TMEM187: variants seen among roughly 807,000 people sequenced by gnomAD.
The protein encoded by TMEM187 is chromosome X open reading frame 12.
A neutral mutation model predicts 11.8 loss-of-function variants in TMEM187; 14 were observed. The observed-to-expected ratio is 1.18, with a 90% CI of 0.78 to 1.85. The LOEUF is 1.85. Among genes scored for constraint, TMEM187 ranks in the 40% most tolerant of loss-of-function variants. The pLI, the probability that TMEM187 is intolerant of heterozygous loss-of-function variation, is 0.00. For synonymous variants in TMEM187, 112 were observed against 118.5 expected (o/e 0.95, Z 0.36); for missense variants, 227 against 243.9 (o/e 0.93, Z 0.46).
Position 153,982,357 on chromosome X carries a change from G to A in TMEM187, c.295G>A (p.Val99Met). The A allele has an allele frequency of 4.1e-6, 5 of 1,205,860 alleles. No homozygotes were observed. The highest frequency in any genetic ancestry group is 1.8e-5 in the South Asian group (1 of 56,574). The change falls in exon 2 of 2, where the codon GTG (valine) becomes ATG (methionine). Residue 99 changes from valine to methionine, a missense_variant. Coordinates refer to ENST00000369982, the MANE Select transcript of TMEM187 (RefSeq NM_003492.3). ...FAAMALLYGPVQWLRLWTQWR... is the reference protein window; with the variant it reads ...FAAMALLYGPMQWLRLWTQWR... The stretch of plus-strand genomic sequence containing the variant: ...AGCCATGGCCCTGCTCTATGGCCCC[G>A]TGCAGTGGCTGCGCCTGTGGACGCA...
chrX:153,974,768 T>A (rs184956154), intron 1 of TMEM187, among the ~76,000 whole-genome samples: 221 of 112,100 alleles, frequency 2.0e-3, no homozygotes, highest in African/African-American at 6.7e-3. Flanking sequence ...TAGTGAGGAC[T>A]GTGGTTCCTG....
At chrX:153,974,332 G>A (rs1243304222) in intron 1 of TMEM187, among the ~76,000 whole-genome samples, 1 of 112,440 alleles carries the variant, frequency 8.9e-6, no homozygotes, top group East Asian at 2.8e-4. Context: ...CTAGGTGGGT[G>A]CAGGGAAGGA....
intron 1 of TMEM187, chrX:153,980,544 A>C (rs1204410121): frequency 9.0e-6 from 1 of 111,464 alleles, no homozygotes; most frequent in Non-Finnish European, 1.9e-5. Context: ...CAGTTTCTTT[A>C]TCTGTGAAAT....
rs143564812 is a variant in TMEM187 at position 153,976,707 on chromosome X, T to G, written c.-214+3847T>G. ...CAAGACCCTGTCTTTCAAAAAAAAT[T>G]TAAAAATTTGCCAGGCATGGTAACA... is the stretch of plus-strand genomic sequence containing the variant. On this transcript the variant is annotated intron_variant, in intron 1 of 1. Coordinates refer to ENST00000369982, the MANE Select transcript of TMEM187 (RefSeq NM_003492.3). 3.0e-3 allele frequency among the ~76,000 whole-genome samples: 338 copies of G among 111,287 alleles called. 1 individual carries two copies. The highest frequency in any genetic ancestry group is 0.01 in the African/African-American group (318 of 30,610).
intron 1 of TMEM187, among the ~76,000 whole-genome samples, chrX:153,974,752 G>A (rs1428563650): frequency 8.9e-6 from 1 of 112,084 alleles, no homozygotes; most frequent in Non-Finnish European, 1.9e-5. Context: ...AGGACGTATG[G>A]AGTGATAGTG....
chrX:153,979,984 G>A (rs1414335053), intron 1 of TMEM187, among the ~76,000 whole-genome samples: 9 of 109,109 alleles, frequency 8.2e-5, no homozygotes, highest in East Asian at 2.9e-4. Context: ...TGATCCACCC[G>A]CCTTGGCCTC....
intron 1 of TMEM187, among the ~76,000 whole-genome samples, chrX:153,978,190 G>A (rs968287904): frequency 9.2e-6 from 1 of 109,146 alleles, no homozygotes; most frequent in African/African-American, 3.3e-5. Context: ...CAGCCTGGGC[G>A]ACAGAGCAAG....
In TMEM187 at chrX:153,979,829, A is replaced by C. The variant is rs1173999796; in HGVS notation, c.-213-2021A>C. ...TCAGCTCACTGCAAGCTCCGCCTCC[A>C]GGGTTCACGCCATTCTCCTGCCTCA... is the stretch of plus-strand genomic sequence containing the variant. On this transcript the variant is annotated intron_variant, in intron 1 of 1. Transcript: ENST00000369982. 9.1e-5 allele frequency among the ~76,000 whole-genome samples: 9 copies of C among 98,383 alleles called. 1 individual carries two copies. The highest frequency in any genetic ancestry group is 3.0e-4 in the African/African-American group (8 of 26,739). The allele number at this position is 98,383 out of a possible 115,157, so 85.4% of individuals were successfully genotyped here.
At position 153,982,607 on chromosome X, in the gene TMEM187, A is replaced by C. The variant is rs782358824; in HGVS notation, c.545A>C (p.His182Pro). 2 of 1,211,844 alleles carry C rather than the reference A, an allele frequency of 1.7e-6. No individual in the cohort carries two copies. The highest frequency in any genetic ancestry group is 1.7e-5 in the African/African-American group (1 of 58,018). Residue 182 changes from histidine to proline, a missense_variant, in exon 2 of 2, where the codon CAC becomes CCC. His to Pro is a moderately conservative substitution (Grantham distance 77, BLOSUM62 -2). Coordinates refer to ENST00000369982, the MANE Select transcript of TMEM187 (RefSeq NM_003492.3). ...VAAVGQALRT[H>P]RHYGSTTSAT... ...GCTGTGGGGCAGGCGCTGCGCACCC[A>C]CAGGCACTATGGCAGCACCACCTCG...
In TMEM187 at chrX:153,975,252, T is replaced by TGG. The variant is rs1359019856; in HGVS notation, c.-214+2392_-214+2393insGG. The stretch of plus-strand genomic sequence containing the variant: ...TTTGTTGCCTGTGATTTTGGGGTCT[T>TGG]AGCCATAAAATCTTTCCTGGAGCAT... On this transcript the variant is annotated intron_variant, in intron 1 of 1. Coordinates refer to ENST00000369982, the MANE Select transcript of TMEM187 (RefSeq NM_003492.3). Among the ~76,000 whole-genome samples, 3 of 112,272 alleles carry TGG rather than the reference T, an allele frequency of 2.7e-5. No homozygotes were observed. In the Admixed American group the frequency reaches 2.8e-4, roughly 11 times the overall value.
At chrX:153,977,422 C>A (rs782361816) in intron 1 of TMEM187, among the ~76,000 whole-genome samples, 15 of 110,102 alleles carry the variant, frequency 1.4e-4, no homozygotes, top group Admixed American at 2.9e-4. Context: ...CAATACCACC[C>A]CAGCCGATAT....
rs2065611548 is a variant in TMEM187 at position 153,982,862 on chromosome X, C to T, written c.*14C>T. On this transcript the variant is annotated 3_prime_UTR_variant, in exon 2 of 2. Coordinates refer to ENST00000369982, the MANE Select transcript of TMEM187 (RefSeq NM_003492.3). ...AAGACGCGTTGAACCCAGGGAAGAA[C>T]CTGCTGAAAACCGATGACCCCCAGC... 8.3e-7 allele frequency: 1 copy of T among 1,210,321 alleles called. No individual in the cohort carries two copies. Among genetic ancestry groups the T allele is most frequent in the South Asian group, 1.8e-5 (1 of 56,840 alleles).
At chrX:153,978,988 A>G (rs1557121931) in intron 1 of TMEM187, among the ~76,000 whole-genome samples, 1 of 111,023 alleles carries the variant, frequency 9.0e-6, no homozygotes, top group East Asian at 2.8e-4. Flanking sequence ...GGGTTTCACC[A>G]TGTTGGCCAG....
chrX:153,978,403 G>T (rs1466255719), intron 1 of TMEM187, among the ~76,000 whole-genome samples: 2 of 102,593 alleles, frequency 1.9e-5, no homozygotes, highest in African/African-American at 7.1e-5. Context: ...CAAGTAGCTG[G>T]AACTACAGGC....
Position 153,981,808 on chromosome X carries a change from GA to G in TMEM187, c.-213-41del. ...TCAGGAACATGGAGGCGGTGCTGGGGACGGTTTGTTTTCTAACCACACTCCT... is the reference window on the plus strand; with the variant it reads ...TCAGGAACATGGAGGCGGTGCTGGGGCGGTTTGTTTTCTAACCACACTCCT... On this transcript the variant is annotated intron_variant, in intron 1 of 1. Transcript: ENST00000369982. 6 of 470,066 alleles carry G rather than the reference GA, an allele frequency of 1.3e-5. No individual in the cohort carries two copies. In the Middle Eastern group the frequency reaches 2.5e-3, roughly 193 times the overall value. 38.7% of individuals were successfully genotyped at this position (470,066 alleles called of 1,213,427 possible).
chrX:153,979,923 G>C (rs2065593160), intron 1 of TMEM187, among the ~76,000 whole-genome samples: 2 of 107,891 alleles, frequency 1.9e-5, no homozygotes, highest in Admixed American at 2.0e-4. Flanking sequence ...TGTTTTAGTA[G>C]AGACGGGGTT....
chrX:153,982,365 G>A lies in TMEM187; in HGVS notation c.303G>A (p.Trp101Ter), dbSNP rs2065607407. Residue 101 changes from tryptophan (W) to a stop codon, truncating the protein, a stop_gained, in exon 2 of 2, where the codon TGG (tryptophan) becomes TGA (stop). Coordinates refer to ENST00000369982, the MANE Select transcript of TMEM187 (RefSeq NM_003492.3). LOFTEE classifies it high-confidence loss of function. ...CCCTGCTCTATGGCCCCGTGCAGTG[G>A]CTGCGCCTGTGGACGCAGTGGCGCC... is the stretch of plus-strand genomic sequence containing the variant. ...AMALLYGPVQ[W>*]LRLWTQWRRA... 1.7e-6 allele frequency: 2 copies of A among 1,203,514 alleles called. No individual in the cohort carries two copies. The highest frequency in any genetic ancestry group is 3.5e-5 in the African/African-American group (2 of 57,752).
At chrX:153,981,777 C>T (rs1340169923) in intron 1 of TMEM187, 73 bp from the exon 2 acceptor site, 4 of 429,048 alleles carry the variant, frequency 9.3e-6, no homozygotes, top group Middle Eastern at 6.6e-4. Flanking sequence ...CTCCTGAGGC[C>T]GGGGGTCAGG....
chrX:153,979,771 C>G (rs2065592134), intron 1 of TMEM187, among the ~76,000 whole-genome samples: 1 of 91,802 alleles, frequency 1.1e-5, no homozygotes, highest in South Asian at 6.3e-4. Flanking sequence ...GAGTCGCGCT[C>G]TGTCGCCCAG....
Sources: allele counts gnomAD v4.1 joint callset (sites outside exome capture counted in the v4.1 genomes callset), GRCh38; gene constraint gnomAD v4.1.1; transcripts MANE v1.5; gene names NCBI Gene and HGNC (gene_info 2026-07-23, HGNC 2026-07-21).